RARA: variants seen among roughly 807,000 people sequenced by gnomAD.
RARA encodes PML-DDX5-RARA fusion.
RARA carries 5 observed loss-of-function variants against 42.8 expected under a neutral mutation model. The observed-to-expected ratio is 0.12, with a 90% confidence interval of 0.06 to 0.25. The LOEUF (loss-of-function observed/expected upper bound fraction) is 0.25. RARA is among the 10% of genes least tolerant of loss of function. The probability of loss-of-function intolerance (pLI) is 1.00; values close to 1 mark genes in which losing one functional copy is unlikely to be tolerated. For synonymous variants in RARA, 256 were observed against 259.5 expected (o/e 0.99, Z 0.13); for missense variants, 402 against 628.7 (o/e 0.64, Z 3.86).
intron 2 of RARA, among the ~76,000 whole-genome samples, chr17:40,336,044 C>T (rs2033839271): frequency 6.6e-6 from 1 of 152,170 alleles, no homozygotes; most frequent in African/African-American, 2.4e-5. Context: ...TCACATACAA[C>T]TTGCTGATAA....
chr17:40,323,978 AG>A (rs1242611860), intron 1 of RARA, among the ~76,000 whole-genome samples: 8 of 151,590 alleles, frequency 5.3e-5, no homozygotes, highest in African/African-American at 1.7e-4. Flanking sequence ...AGCTGAGGGG[AG>A]GGGTGAGGGC....
chr17:40,339,249 CTGTT>C (rs2033950140), intron 2 of RARA, among the ~76,000 whole-genome samples: 1 of 152,158 alleles, frequency 6.6e-6, no homozygotes, highest in Non-Finnish European at 1.5e-5. Context: ...TCATGATTTC[CTGTT>C]TGTTGTCCCC....
rs372666827 is a variant in RARA, at chr17:40,319,826, G to C, written c.-363+10540G>C. The stretch of plus-strand genomic sequence containing the variant: ...TGGGGCTTCCCCTGGAGGGGGCCGG[G>C]GGGGGCGGGTAGAGATGAGGCTGGG... On this transcript the variant is annotated intron_variant, in intron 1 of 8. Transcript: ENST00000254066. 5.2e-4 allele frequency among the ~76,000 whole-genome samples: 79 copies of C among 152,330 alleles called. No homozygotes were observed. The South Asian group carries it at 6.4e-3, about 12-fold the overall frequency.
chr17:40,325,923 G>T (rs555780768), intron 1 of RARA, among the ~76,000 whole-genome samples: 17 of 152,320 alleles, frequency 1.1e-4, no homozygotes, highest in African/African-American at 3.8e-4. Context: ...TCTGTCCTGA[G>T]TATAAGGGAG....
At chr17:40,323,510 TG>T (rs1171336586) in intron 1 of RARA, among the ~76,000 whole-genome samples, 1 of 149,484 alleles carries the variant, frequency 6.7e-6, no homozygotes, top group Non-Finnish European at 1.5e-5. Flanking sequence ...GCTGGGGAGG[TG>T]GGGGCTCTGC....
At chr17:40,336,295 T>C (rs2033848060) in intron 2 of RARA, among the ~76,000 whole-genome samples, 1 of 152,160 alleles carries the variant, frequency 6.6e-6, no homozygotes, top group African/African-American at 2.4e-5. Flanking sequence ...AGGCTGGTCT[T>C]GAACTCCTGA....
rs1420363978 is a variant in RARA at position 40,351,891 on chromosome 17, C to G, written c.470-19C>G. The G allele has an allele frequency of 6.2e-7, 1 of 1,602,264 alleles. No homozygotes were observed. The highest frequency in any genetic ancestry group is 2.2e-5 in the East Asian group (1 of 44,786). ...GAGCAGCCTGCAGCTGCCCTCTTAA[C>G]CCCCTCTGCCCTCCACAGCTGTGAG... On this transcript the variant is annotated intron_variant, in intron 4 of 8. Coordinates refer to ENST00000254066, the MANE Select transcript of RARA (RefSeq NM_000964.4). The surrounding 1 kb of genome is among the most constrained non-coding windows in gnomAD (Gnocchi z 4.1).
rs2034246664 is a variant in RARA at position 40,345,761 on chromosome 17, T to C, written c.179-2555T>C. On this transcript the variant is annotated intron_variant, in intron 2 of 8. Coordinates refer to ENST00000254066, the MANE Select transcript of RARA (RefSeq NM_000964.4). This position sits in a 1 kb window ranked among gnomAD's most constrained non-coding sequence, Gnocchi z 4.8. ...CCAGGCCCGGGCAGTCCCTCCCCCGTTGGTGTCCCTCCCCACTCCACCTGT... is the reference window on the plus strand; with the variant it reads ...CCAGGCCCGGGCAGTCCCTCCCCCGCTGGTGTCCCTCCCCACTCCACCTGT... Among the ~76,000 whole-genome samples, 1 of 152,090 alleles carries C rather than the reference T, an allele frequency of 6.6e-6. No homozygotes were observed. The highest frequency in any genetic ancestry group is 1.5e-5 in the Non-Finnish European group (1 of 68,008).
At position 40,355,344 on chromosome 17, in the gene RARA, A is replaced by G; in HGVS notation, c.1094A>G (p.Lys365Arg). 1 of 1,613,400 alleles carries G rather than the reference A, an allele frequency of 6.2e-7. No individual in the cohort carries two copies. Among genetic ancestry groups the G allele is most frequent in the East Asian group, 2.2e-5 (1 of 44,876 alleles). The stretch of plus-strand genomic sequence containing the variant: ...GAGGCGCTAAAGGTCTACGTGCGGA[A>G]GCGGAGGCCCAGCCGCCCCCACATG... Reference protein sequence around the residue: ...LLEALKVYVRKRRPSRPHMFP... With the variant: ...LLEALKVYVRRRRPSRPHMFP... Residue 365 changes from lysine (K) to arginine (R), a missense_variant, in exon 8 of 9, where the codon AAG becomes AGG. Physicochemically the swap from Lys to Arg is conservative, Grantham distance 26. Transcript: ENST00000254066. The surrounding 1 kb of genome is among the most constrained non-coding windows in gnomAD (Gnocchi z 4.1).
rs531188503 is a variant in RARA, at chr17:40,342,544, G to T, written c.179-5772G>T. 20 of 1,322,390 alleles carry T rather than the reference G, an allele frequency of 1.5e-5. No individual in the cohort carries two copies. In the East Asian group the frequency reaches 5.5e-4, roughly 37 times the overall value. 81.9% of individuals were successfully genotyped at this position (1,322,390 alleles called of 1,614,324 possible). A position where few individuals can be genotyped will look rare whatever the true frequency, so the allele number is the denominator to read the frequency against. ...CGGAGCGGCCGGCGGACTTAGACGC[G>T]GGGACTTCAGGGCAGGGGGCGCCCC... is the stretch of plus-strand genomic sequence containing the variant. On this transcript the variant is annotated intron_variant, in intron 2 of 8. Coordinates refer to ENST00000254066, the MANE Select transcript of RARA (RefSeq NM_000964.4).
intron 1 of RARA, among the ~76,000 whole-genome samples, chr17:40,324,740 A>G (rs2033488923): frequency 6.6e-6 from 1 of 152,188 alleles, no homozygotes; most frequent in African/African-American, 2.4e-5. Context: ...GGGCAGTGGT[A>G]GCACCCGGAA....
Position 40,326,697 on chromosome 17 carries a change from G to A in RARA, c.-362-4160G>A. On this transcript the variant is annotated intron_variant, in intron 1 of 8. Coordinates refer to ENST00000254066, the MANE Select transcript of RARA (RefSeq NM_000964.4). This position sits in a 1 kb window ranked among gnomAD's most constrained non-coding sequence, Gnocchi z 5.2. ...CTCTCTCTCAGGGGAGGGTGCCCGT[G>A]GGCAGTGGAGGTGGCTGGCATAGGG... 1 of 153,146 alleles carries A rather than the reference G, an allele frequency of 6.5e-6. No individual in the cohort carries two copies. The highest frequency in any genetic ancestry group is 1.9e-4 in the East Asian group (1 of 5,192). 9.5% of individuals were successfully genotyped at this position (153,146 alleles called of 1,614,324 possible).
rs1385145849 is a variant in RARA, at chr17:40,357,173, C to A, written c.*947C>A. ...GGCCCCGGGACAGAGTTTTCCCAGA[C>A]CTGGCTCCTCGGCAGAGCTGCCTCC... is the stretch of plus-strand genomic sequence containing the variant. On this transcript the variant is annotated 3_prime_UTR_variant, in exon 9 of 9. Transcript: ENST00000254066. 6 of 237,604 alleles carry A rather than the reference C, an allele frequency of 2.5e-5. No individual in the cohort carries two copies. The highest frequency in any genetic ancestry group is 5.0e-5 in the Non-Finnish European group (6 of 120,726). The allele number at this position is 237,604 out of a possible 1,614,324, so 14.7% of individuals were successfully genotyped here. A position where few individuals can be genotyped will look rare whatever the true frequency, so the allele number is the denominator to read the frequency against.
At chr17:40,333,876 GTCC>G in intron 2 of RARA, among the ~76,000 whole-genome samples, 1 of 152,214 alleles carries the variant, frequency 6.6e-6, no homozygotes, top group East Asian at 1.9e-4. Context: ...AGCTCAAGCA[GTCC>G]TCCTATCTTG....
In RARA at chr17:40,354,319, G is replaced by A. The variant is rs767037674; in HGVS notation, c.825G>A (p.Thr275=). Residue 275 remains threonine (T), a synonymous_variant, in exon 7 of 9, where the codon ACG becomes ACA. Transcript: ENST00000254066. The surrounding 1 kb of genome is among the most constrained non-coding windows in gnomAD (Gnocchi z 4.5). ...CLDILILRIC[T]RYTPEQDTMT... is the part of the protein sequence containing the mutation. ...GCACCCAGATCCTGCGGATCTGCAC[G>A]CGGTACACGCCCGAGCAGGACACCA... The A allele has an allele frequency of 1.9e-6, 3 of 1,614,110 alleles. No homozygotes were observed. Among genetic ancestry groups the A allele is most frequent in the South Asian group, 1.1e-5 (1 of 91,074 alleles).
At chr17:40,341,817 C>A (rs979608141) in intron 2 of RARA, 1 of 1,179,748 alleles carries the variant, frequency 8.5e-7, no homozygotes, top group Non-Finnish European at 1.1e-6. Context: ...TTGGGGGAGC[C>A]TGGGAGCCGG....
At chr17:40,311,753 T>A (rs1425397923) in intron 1 of RARA, among the ~76,000 whole-genome samples, 5 of 152,114 alleles carry the variant, frequency 3.3e-5, no homozygotes, top group African/African-American at 1.2e-4. Flanking sequence ...GCTGGTTTCC[T>A]TCCTCCTTTG....
At position 40,310,389 on chromosome 17, in the gene RARA, T is replaced by A. The variant is rs113074726; in HGVS notation, c.-363+1103T>A. Among the ~76,000 whole-genome samples, 873 of 143,720 alleles carry A rather than the reference T, an allele frequency of 6.1e-3. 10 individuals carry two copies. Among genetic ancestry groups the A allele is most frequent in the African/African-American group, 0.021 (806 of 38,156 alleles). 94.3% of individuals were successfully genotyped at this position (143,720 alleles called of 152,430 possible). On this transcript the variant is annotated intron_variant, in intron 1 of 8. Transcript: ENST00000254066. ...GTGTGTGTCTTGCTTCTGGGGGTAG[T>A]AGACTGGGGAGGGGGGTGATAGAAG...
At chr17:40,317,956 T>G (rs537591127) in intron 1 of RARA, among the ~76,000 whole-genome samples, 1 of 152,280 alleles carries the variant, frequency 6.6e-6, no homozygotes, top group South Asian at 2.1e-4. Context: ...CGCTGCGGTC[T>G]TCTCCACCGA....
Sources: allele counts gnomAD v4.1 joint callset (sites outside exome capture counted in the v4.1 genomes callset), GRCh38; gene constraint gnomAD v4.1.1; non-coding constraint Gnocchi (gnomAD v3.1); transcripts MANE v1.5; gene names NCBI Gene and HGNC (gene_info 2026-07-23, HGNC 2026-07-21).